ANKRD28: variants seen among roughly 807,000 people sequenced by gnomAD.
ANKRD28 encodes serine/threonine-protein phosphatase 6 regulatory ankyrin repeat subunit A.
In ANKRD28, 44 loss-of-function variants were observed where a neutral mutation model predicts 126.5. The observed-to-expected ratio is 0.35, with a 90% CI of 0.27 to 0.45. The LOEUF (loss-of-function observed/expected upper bound fraction) is 0.45. ANKRD28 is among the 20% of genes least tolerant of loss of function. The pLI, the probability that ANKRD28 is intolerant of heterozygous loss-of-function variation, is 1.00. For synonymous variants in ANKRD28, 442 were observed against 468.5 expected, an observed-to-expected ratio of 0.94 and a Z score of 0.73; for missense variants, 1,110 against 1,316.6, an observed-to-expected ratio of 0.84 and a Z score of 2.43.
At chr3:15,820,464 A>G (rs931637381) in intron 1 of ANKRD28, among the ~76,000 whole-genome samples, 13 of 152,224 alleles carry the variant, frequency 8.5e-5, no homozygotes, top group African/African-American at 2.7e-4. Flanking sequence ...ATCCTACAGA[A>G]CAAATGACAC....
Position 15,839,584 on chromosome 3 carries a change from C to T in ANKRD28, c.27+19793G>A, listed in dbSNP as rs1221431050. Among the ~76,000 whole-genome samples the T allele has an allele frequency of 6.6e-6, 1 of 151,532 alleles. No homozygotes were observed. The highest frequency in any genetic ancestry group is 2.4e-5 in the African/African-American group (1 of 41,248). On this transcript the variant is annotated intron_variant, in intron 1 of 27. Coordinates refer to the ANKRD28 transcript ENST00000399451. The surrounding 1 kb of genome is among the most constrained non-coding windows in gnomAD (Gnocchi z 4.3). Reference sequence around the variant, plus strand: ...ACATGATACATGAACCAGACAAAGACACATTAAAAAAAAAGAAAACGATAG... The same window carrying T: ...ACATGATACATGAACCAGACAAAGATACATTAAAAAAAAAGAAAACGATAG...
At chr3:15,752,586 A>G (rs894773445) in intron 3 of ANKRD28, among the ~76,000 whole-genome samples, 7 of 152,216 alleles carry the variant, frequency 4.6e-5, no homozygotes, top group African/African-American at 1.7e-4. Context: ...AATTCTATTA[A>G]TATATCTAAG....
chr3:15,753,478 T>C (rs1284323133), intron 3 of ANKRD28, among the ~76,000 whole-genome samples: 1 of 152,242 alleles, frequency 6.6e-6, no homozygotes, highest in African/African-American at 2.4e-5. Context: ...TACAGGTTTA[T>C]ATTTATGTGC....
chr3:15,859,472 C>A (rs1184793533), exon 1 of ANKRD28: 1 of 1,393,934 alleles, frequency 7.2e-7, no homozygotes. Context: ...GCCGACCGGC[C>A]CACTGCTCCC....
Position 15,675,991 on chromosome 3 carries a change from TA to T in ANKRD28, c.2874-3del, listed in dbSNP as rs2066894813. On this transcript the variant is annotated splice_region_variant and splice_polypyrimidine_tract_variant and intron_variant, in intron 26 of 27. Coordinates refer to ENST00000683139, the MANE Select transcript of ANKRD28 (RefSeq NM_001349278.2). ...TTTCGGGCAGCAACATGCAGAGGTC[TA>T]GGGGAAAAAACATGATACATGTACA... 7 of 1,610,488 alleles carry T rather than the reference TA, an allele frequency of 4.3e-6. No individual in the cohort carries two copies. Among genetic ancestry groups the T allele is most frequent in the Non-Finnish European group, 5.9e-6 (7 of 1,177,832 alleles).
intron 27 of ANKRD28, among the ~76,000 whole-genome samples, chr3:15,671,390 T>C (rs2066332466): frequency 6.6e-6 from 1 of 152,102 alleles, no homozygotes; most frequent in Admixed American, 6.6e-5. Flanking sequence ...CTTTAATAGT[T>C]TTATCACATA....
intron 26 of ANKRD28, 144 bp downstream of exon 26, chr3:15,676,830 A>G: frequency 1.8e-6 from 1 of 564,000 alleles, no homozygotes; most frequent in East Asian, 3.1e-5. Context: ...CATTTTAGAA[A>G]TGAGTTTTGA....
intron 1 of ANKRD28, among the ~76,000 whole-genome samples, chr3:15,835,372 T>C (rs1474675217): frequency 6.6e-6 from 1 of 152,166 alleles, no homozygotes; most frequent in African/African-American, 2.4e-5. Context: ...ATTTTATGCC[T>C]ACAAGAAAAC....
At chr3:15,762,872 C>A (rs772071902) in intron 3 of ANKRD28, among the ~76,000 whole-genome samples, 1 of 151,924 alleles carries the variant, frequency 6.6e-6, no homozygotes, top group African/African-American at 2.4e-5. Flanking sequence ...TATATTATTC[C>A]CATTTTTTTA....
At chr3:15,820,270 C>T (rs976358584) in intron 1 of ANKRD28, among the ~76,000 whole-genome samples, 5 of 151,970 alleles carry the variant, frequency 3.3e-5, no homozygotes, top group Non-Finnish European at 2.9e-5. Flanking sequence ...ACATGGCATA[C>T]AGGATAAAGT....
chr3:15,693,630 T>C (rs1053055501), intron 17 of ANKRD28, among the ~76,000 whole-genome samples: 11 of 152,178 alleles, frequency 7.2e-5, no homozygotes, highest in African/African-American at 1.2e-4. Context: ...CTGCTGCTAA[T>C]GCTGCTCAGT....
chr3:15,787,735 T>C (rs1481610949), intron 2 of ANKRD28, among the ~76,000 whole-genome samples: 1 of 152,168 alleles, frequency 6.6e-6, no homozygotes, highest in Non-Finnish European at 1.5e-5. Flanking sequence ...AAGCAACATG[T>C]GGCCACTAAG....
chr3:15,669,198 A>T lies in ANKRD28; in HGVS notation c.*1072T>A, dbSNP rs1419530771. Reference sequence around the variant, plus strand: ...GACTTTAGTGATGCTTAATTTATGAACAACAAGGAATTATTTTCCTTTTGA... The same window carrying T: ...GACTTTAGTGATGCTTAATTTATGATCAACAAGGAATTATTTTCCTTTTGA... On this transcript the variant is annotated 3_prime_UTR_variant, in exon 28 of 28. Transcript: ENST00000683139. 1 of 152,234 alleles carries T rather than the reference A, an allele frequency of 6.6e-6. No homozygotes were observed. The highest frequency in any genetic ancestry group is 1.9e-4 in the East Asian group (1 of 5,204). 9.4% of individuals were successfully genotyped at this position (152,234 alleles called of 1,614,324 possible). A position where few individuals can be genotyped will look rare whatever the true frequency, so the allele number is the denominator to read the frequency against.
chr3:15,850,132 G>T (rs1233642499), intron 1 of ANKRD28, among the ~76,000 whole-genome samples: 1 of 148,692 alleles, frequency 6.7e-6, no homozygotes, highest in Non-Finnish European at 1.5e-5. Context: ...CAATTCAATG[G>T]GGGAAAGATT....
chr3:15,757,891 G>A (rs952382495), intron 3 of ANKRD28, among the ~76,000 whole-genome samples: 3 of 152,138 alleles, frequency 2.0e-5, no homozygotes, highest in African/African-American at 7.2e-5. Flanking sequence ...AGTTTTACTG[G>A]AACAGAGCCA....
intron 14 of ANKRD28, among the ~76,000 whole-genome samples, chr3:15,699,670 A>G (rs564310644): frequency 6.6e-6 from 1 of 152,210 alleles, no homozygotes; most frequent in Non-Finnish European, 1.5e-5. Context: ...AAATGCAAAT[A>G]AAAACCACAA....
At chr3:15,723,248 GC>G (rs1000029822) in intron 7 of ANKRD28, among the ~76,000 whole-genome samples, 1 of 152,104 alleles carries the variant, frequency 6.6e-6, no homozygotes, top group Non-Finnish European at 1.5e-5. Context: ...CTTGCTTCAG[GC>G]AAAGTGTTTC....
Position 15,816,768 on chromosome 3 carries a change from G to A in ANKRD28, c.28-21462C>T, listed in dbSNP as rs2060840137. On this transcript the variant is annotated intron_variant, in intron 1 of 27. Transcript: ENST00000399451. This position sits in a 1 kb window ranked among gnomAD's most constrained non-coding sequence, Gnocchi z 5.0. ...TATATATAGAAGTTATTGCCAAAGT[G>A]TCTTATAATCCAAGACACTGAGAGA... 6.6e-6 allele frequency among the ~76,000 whole-genome samples: 1 copy of A among 152,166 alleles called. No individual in the cohort carries two copies. Among genetic ancestry groups the A allele is most frequent in the South Asian group, 2.1e-4 (1 of 4,828 alleles).
chr3:15,728,064 C>T (rs911084182), intron 6 of ANKRD28, among the ~76,000 whole-genome samples: 1 of 152,164 alleles, frequency 6.6e-6, no homozygotes, highest in Non-Finnish European at 1.5e-5. Context: ...TTGCCACAGC[C>T]ATCCAAACCT....
Sources: allele counts gnomAD v4.1 joint callset (sites outside exome capture counted in the v4.1 genomes callset), GRCh38; gene constraint gnomAD v4.1.1; non-coding constraint Gnocchi (gnomAD v3.1); transcripts MANE v1.5; gene names NCBI Gene and HGNC (gene_info 2026-07-23, HGNC 2026-07-21).